The following TPM1 variants were observed in gnomAD, a reference collection of about 807,000 sequenced individuals.
TPM1 encodes the protein tropomyosin alpha-1 chain.
TPM1 carries 24 observed loss-of-function variants against 42.9 expected under a neutral mutation model. That is an observed-to-expected ratio of 0.56 (90% CI 0.41 to 0.79). TPM1 has a LOEUF of 0.79. Ranked by LOEUF, TPM1 falls within the 30% of genes least tolerant of loss-of-function variation. The probability of loss-of-function intolerance (pLI) is 0.00; values close to 1 mark genes in which losing one functional copy is unlikely to be tolerated. For missense variants in TPM1, 158 were observed against 351.8 expected, an observed-to-expected ratio of 0.45 and a Z score of 4.41; for synonymous variants, 136 against 130.1, an observed-to-expected ratio of 1.05 and a Z score of -0.31.
downstream of TPM1, chr15:63,070,681 C>G: frequency 9.9e-7 from 1 of 1,007,504 alleles, no homozygotes. Flanking sequence ...TGTTACCGCA[C>G]AACTCCCAGA....
intron 2 of TPM1, among the ~76,000 whole-genome samples, chr15:63,052,083 G>A (rs2033990861): frequency 6.6e-6 from 1 of 151,930 alleles, no homozygotes; most frequent in Non-Finnish European, 1.5e-5. Context: ...ACATCTGCAG[G>A]AGGACATTGG....
chr15:63,071,248 C>T, exon 9 of TPM1: 1 of 1,467,990 alleles, frequency 6.8e-7, no homozygotes, highest in Admixed American at 1.7e-5. Flanking sequence ...CCCTTAAATG[C>T]AATTTATTTA....
downstream of TPM1, chr15:63,069,793 T>C: frequency 6.3e-7 from 1 of 1,586,480 alleles, no homozygotes; most frequent in Non-Finnish European, 8.6e-7. Flanking sequence ...TGTTCTCTAT[T>C]AACTGCCTCT....
At chr15:63,062,502 C>T in intron 7 of TPM1, 74 bp from the exon 8 acceptor site, 1 of 1,537,658 alleles carries the variant, frequency 6.5e-7, no homozygotes, top group East Asian at 2.3e-5. Flanking sequence ...CATTTTCATC[C>T]TCTAGTTTTC....
downstream of TPM1, chr15:63,070,373 G>C: frequency 1.0e-6 from 1 of 995,638 alleles, no homozygotes; most frequent in Non-Finnish European, 1.2e-6. Flanking sequence ...TAAATATCTG[G>C]TATAGTGTTT....
chr15:63,048,096 G>T, intron 2 of TPM1: 1 of 403,858 alleles, frequency 2.5e-6, no homozygotes, highest in South Asian at 1.7e-5. Flanking sequence ...TGGCTCCCGG[G>T]CATGGGAATC....
At chr15:63,053,048 C>G (rs2034188395) in intron 2 of TPM1, among the ~76,000 whole-genome samples, 2 of 152,208 alleles carry the variant, frequency 1.3e-5, no homozygotes, top group Admixed American at 1.3e-4. Flanking sequence ...GCTTTAACCT[C>G]AAAGCCCCTC....
chr15:63,045,576 A>G (rs766506800), intron 2 of TPM1: 8 of 152,258 alleles, frequency 5.3e-5, no homozygotes, highest in Non-Finnish European at 8.8e-5. Context: ...AGATCAAGGA[A>G]AGATATTCCT....
At chr15:63,051,638 T>G (rs1457822235) in intron 2 of TPM1, among the ~76,000 whole-genome samples, 1 of 152,156 alleles carries the variant, frequency 6.6e-6, no homozygotes, top group African/African-American at 2.4e-5. Flanking sequence ...CTTCTTCGTA[T>G]AACTACAGTT....
chr15:63,066,226 C>G (rs546598103), downstream of TPM1: 1 of 1,301,514 alleles, frequency 7.7e-7, no homozygotes. Flanking sequence ...ATACTGAACA[C>G]TATACAGAAT....
chr15:63,057,842 C>G (rs2035037402), intron 3 of TPM1, among the ~76,000 whole-genome samples: 1 of 152,300 alleles, frequency 6.6e-6, no homozygotes, highest in African/African-American at 2.4e-5. Flanking sequence ...TGCCATATTG[C>G]ATAGAAGTAC....
intron 9 of TPM1, chr15:63,064,740 C>T (rs929170697): frequency 2.3e-5 from 20 of 863,934 alleles, no homozygotes; most frequent in Admixed American, 1.2e-4. Flanking sequence ...CCGAGGCGGG[C>T]GGATCACGAG....
downstream of TPM1, chr15:63,069,989 A>G (rs762800883): frequency 2.5e-6 from 4 of 1,613,154 alleles, no homozygotes; most frequent in African/African-American, 1.3e-5. Flanking sequence ...CGTGGAGCCC[A>G]TGTGCAGAAA....
At chr15:63,067,256 CT>C (rs976972802), downstream of TPM1, among the ~76,000 whole-genome samples, 7 of 151,746 alleles carry the variant, frequency 4.6e-5, no homozygotes, top group African/African-American at 1.7e-4. Flanking sequence ...AGAGGAAATA[CT>C]TTTTTTTAAA....
chr15:63,067,789 C>T (rs1408236246), downstream of TPM1, among the ~76,000 whole-genome samples: 1 of 152,138 alleles, frequency 6.6e-6, no homozygotes, highest in Admixed American at 6.5e-5. Flanking sequence ...TCTGGTGGGC[C>T]AAACCAAAAG....
chr15:63,052,339 A>T (rs1404089888), intron 2 of TPM1, among the ~76,000 whole-genome samples: 1 of 152,150 alleles, frequency 6.6e-6, no homozygotes, highest in Non-Finnish European at 1.5e-5. Flanking sequence ...CCTAGCCAAC[A>T]TGGCAAAATC....
In TPM1 at chr15:63,061,799, AG is replaced by A. The variant is rs397516488; in HGVS notation, c.639+13del. The A allele has an allele frequency of 2.2e-4, 353 of 1,613,806 alleles. 1 individual carries two copies. In the African/African-American group the frequency reaches 4.3e-3, roughly 19 times the overall value. ...GCTCAGGCTGAGAAGGTAGGCCAGG[AG>A]GATGGTGTGGGGGAAAGGCATCTTT... is the stretch of plus-strand genomic sequence containing the variant. On this transcript the variant is annotated intron_variant, in intron 6 of 9. Coordinates refer to ENST00000403994, the MANE Select transcript of TPM1 (RefSeq NM_001018005.2).
chr15:63,048,454 C>T, intron 2 of TPM1: 1 of 1,360,438 alleles, frequency 7.4e-7, no homozygotes, highest in Non-Finnish European at 9.4e-7. Context: ...CGCCATCGCA[C>T]AGAGAGGCCT....
rs1015333115 is a variant in TPM1, at chr15:63,061,042, G to A, written c.563+103G>A. ...TGCACATTACCTGTTTCAGCTCCGG[G>A]CTCCTTTTGTGCTCATTTGATGTGG... is the stretch of plus-strand genomic sequence containing the variant. On this transcript the variant is annotated intron_variant, in intron 5 of 9. Coordinates refer to ENST00000403994, the MANE Select transcript of TPM1 (RefSeq NM_001018005.2). 11 of 1,519,366 alleles carry A rather than the reference G, an allele frequency of 7.2e-6. No homozygotes were observed. The African/African-American group carries it at 1.4e-4, about 19-fold the overall frequency. 94.1% of individuals were successfully genotyped at this position (1,519,366 alleles called of 1,614,324 possible).
Sources: allele counts gnomAD v4.1 joint callset (sites outside exome capture counted in the v4.1 genomes callset), GRCh38; gene constraint gnomAD v4.1.1; transcripts MANE v1.5; gene names NCBI Gene and HGNC (gene_info 2026-07-23, HGNC 2026-07-21).